FMN2: variants seen among roughly 807,000 people sequenced by gnomAD.
The protein encoded by FMN2 is formin 2.
In FMN2, 51 loss-of-function variants were observed where a neutral mutation model predicts 142.3. The ratio of observed to expected loss-of-function variants is 0.36; its 90% confidence interval spans 0.29 to 0.45. The LOEUF (loss-of-function observed/expected upper bound fraction) is 0.45, where lower values mean the gene tolerates loss of function less well. FMN2 is among the 20% of genes least tolerant of loss of function. The pLI, the probability that FMN2 is intolerant of heterozygous loss-of-function variation, is 1.00. For missense variants in FMN2, 1,936 were observed against 2,122.8 expected, an observed-to-expected ratio of 0.91 and a Z score of 1.73; for synonymous variants, 882 against 869.8, an observed-to-expected ratio of 1.01 and a Z score of -0.25.
chr1:240,427,879 T>G (rs1182127211), intron 15 of FMN2, among the ~76,000 whole-genome samples: 1 of 152,236 alleles, frequency 6.6e-6, no homozygotes, highest in African/African-American at 2.4e-5. Flanking sequence ...TTTTGTGATG[T>G]CACCAGCCTT....
chr1:240,358,231 G>A (rs969531436), intron 14 of FMN2, among the ~76,000 whole-genome samples: 27 of 152,286 alleles, frequency 1.8e-4, no homozygotes, highest in African/African-American at 6.5e-4. Context: ...ATAAGAAAAT[G>A]TATGCGTCTT....
At chr1:240,188,310 C>T (rs755128853) in intron 4 of FMN2, 48 bp downstream of exon 4, 3 of 1,584,704 alleles carry the variant, frequency 1.9e-6, no homozygotes, top group Admixed American at 1.7e-5. Context: ...TCTTATTTGT[C>T]TTAAGATTGT....
In FMN2 at chr1:240,436,330, T is replaced by C. The variant is rs187715274; in HGVS notation, c.4911-1731T>C. On this transcript the variant is annotated intron_variant, in intron 15 of 17. Transcript: ENST00000319653. ...TTAAATCAGTCTTGTCGTCTCTGCCTAGAGCTTAAAAAGCTGATATCCTGG... is the reference window on the plus strand; with the variant it reads ...TTAAATCAGTCTTGTCGTCTCTGCCCAGAGCTTAAAAAGCTGATATCCTGG... 1.4e-3 allele frequency among the ~76,000 whole-genome samples: 217 copies of C among 152,324 alleles called. 2 individuals carry two copies. Among genetic ancestry groups the C allele is most frequent in the African/African-American group, 5.0e-3 (208 of 41,578 alleles).
At chr1:240,318,122 C>T (rs1275033332) in intron 8 of FMN2, among the ~76,000 whole-genome samples, 1 of 152,210 alleles carries the variant, frequency 6.6e-6, no homozygotes, top group Admixed American at 6.5e-5. Context: ...TCACCTCTTT[C>T]TTCCTTGTTG....
chr1:240,118,508 C>T (rs185877248), intron 1 of FMN2, among the ~76,000 whole-genome samples: 128 of 152,248 alleles, frequency 8.4e-4, no homozygotes, highest in African/African-American at 2.5e-3. Flanking sequence ...CCCCCTTCCT[C>T]GTTGTTGCTA....
intron 6 of FMN2, among the ~76,000 whole-genome samples, chr1:240,252,549 T>G (rs1266349863): frequency 1.1e-4 from 6 of 54,800 alleles, no homozygotes; most frequent in Admixed American, 8.9e-4. Flanking sequence ...GGGCTGGCAG[T>G]TTTTTTTTTT....
intron 5 of FMN2, 108 bp downstream of exon 5, chr1:240,208,840 T>G (rs1401674618): frequency 5.7e-6 from 8 of 1,392,674 alleles, no homozygotes; most frequent in Non-Finnish European, 5.8e-6. Flanking sequence ...AGCACAACTC[T>G]AAAACTCGTC....
intron 7 of FMN2, among the ~76,000 whole-genome samples, chr1:240,262,313 C>T (rs191994019): frequency 4.7e-4 from 72 of 152,024 alleles, no homozygotes; most frequent in Admixed American, 5.9e-4. Context: ...TCTCTGAGTT[C>T]GCTCTTCATT....
chr1:240,271,494 C>A (rs929119906), intron 7 of FMN2, among the ~76,000 whole-genome samples: 5 of 148,046 alleles, frequency 3.4e-5, no homozygotes, highest in African/African-American at 1.2e-4. Context: ...TTTTTTAAAC[C>A]TTTTTTTTTA....
chr1:240,139,569 A>G (rs936821994), intron 2 of FMN2, among the ~76,000 whole-genome samples: 5 of 151,914 alleles, frequency 3.3e-5, no homozygotes, highest in Non-Finnish European at 7.4e-5. Flanking sequence ...TGATAAAGAC[A>G]AAAAAACAAG....
At chr1:240,262,947 CAG>C (rs1194095349) in intron 7 of FMN2, among the ~76,000 whole-genome samples, 1 of 151,860 alleles carries the variant, frequency 6.6e-6, no homozygotes, top group Non-Finnish European at 1.5e-5. Context: ...TTAGTAGAGA[CAG>C]GGTTTCACCA....
chr1:240,339,862 A>C (rs906098281), intron 13 of FMN2, among the ~76,000 whole-genome samples: 2 of 151,706 alleles, frequency 1.3e-5, no homozygotes, highest in African/African-American at 4.8e-5. Flanking sequence ...TTCTATTAAT[A>C]TTTTCTTTCT....
In FMN2 at chr1:240,473,404, G is replaced by A. The variant is rs1676873955; in HGVS notation, c.5143-724G>A. The stretch of plus-strand genomic sequence containing the variant: ...AGGATGTTTTGTTGACTGTTTTGAG[G>A]GATTATCACTTGGTACCACAGTGTA... On this transcript the variant is annotated intron_variant, in intron 17 of 17. Transcript: ENST00000319653. The surrounding 1 kb of genome is among the most constrained non-coding windows in gnomAD (Gnocchi z 4.3). Among the ~76,000 whole-genome samples the A allele has an allele frequency of 6.6e-6, 1 of 152,070 alleles. No homozygotes were observed. Among genetic ancestry groups the A allele is most frequent in the Admixed American group, 6.6e-5 (1 of 15,252 alleles).
intron 7 of FMN2, among the ~76,000 whole-genome samples, chr1:240,262,221 G>A (rs149261776): frequency 6.6e-5 from 10 of 151,906 alleles, no homozygotes; most frequent in East Asian, 1.9e-4. Context: ...CCCTCCCACC[G>A]TGAAACTGTC....
chr1:240,220,872 C>G (rs1411205795), intron 6 of FMN2, among the ~76,000 whole-genome samples: 1 of 152,114 alleles, frequency 6.6e-6, no homozygotes, highest in Non-Finnish European at 1.5e-5. Context: ...CTCCAGCCCC[C>G]CCACCCCACG....
At chr1:240,175,434 C>T (rs577435040) in intron 2 of FMN2, among the ~76,000 whole-genome samples, 9 of 152,228 alleles carry the variant, frequency 5.9e-5, no homozygotes, top group Admixed American at 1.3e-4. Flanking sequence ...TATCATTTTA[C>T]GGTATCACTA....
intron 1 of FMN2, among the ~76,000 whole-genome samples, chr1:240,117,262 C>G (rs191484751): frequency 2.0e-4 from 30 of 152,274 alleles, no homozygotes; most frequent in Admixed American, 2.0e-3. Flanking sequence ...TTGGGAAGAA[C>G]GGGTCAGGTG....
At chr1:240,422,089 G>A (rs1255016892) in intron 15 of FMN2, among the ~76,000 whole-genome samples, 2 of 152,142 alleles carry the variant, frequency 1.3e-5, no homozygotes, top group African/African-American at 2.4e-5. Flanking sequence ...TGGGCACTCT[G>A]TTCTACAGTT....
intron 2 of FMN2, among the ~76,000 whole-genome samples, chr1:240,159,392 A>C (rs964725171): frequency 6.6e-6 from 1 of 151,802 alleles, no homozygotes; most frequent in Non-Finnish European, 1.5e-5. Context: ...TGCTCTTCTA[A>C]CTCCTGTATT....
Sources: allele counts gnomAD v4.1 joint callset (sites outside exome capture counted in the v4.1 genomes callset), GRCh38; gene constraint gnomAD v4.1.1; non-coding constraint Gnocchi (gnomAD v3.1); transcripts MANE v1.5; gene names NCBI Gene and HGNC (gene_info 2026-07-23, HGNC 2026-07-21).